The following MTMR10 variants were observed in gnomAD, a reference collection of about 807,000 sequenced individuals.
MTMR10 encodes myotubularin-related protein 10.
Under a neutral mutation model 88.1 loss-of-function variants are expected in MTMR10, and 56 were observed. The observed-to-expected ratio is 0.64, with a 90% CI of 0.51 to 0.79. MTMR10 has a LOEUF of 0.79. Ranked by LOEUF, MTMR10 falls within the 30% of genes least tolerant of loss-of-function variation. The pLI is 0.00. For missense variants in MTMR10, 883 were observed against 924.7 expected (o/e 0.95, Z 0.58); for synonymous variants, 380 against 340.9 (o/e 1.11, Z -1.26).
the MTMR10 span, among the ~76,000 whole-genome samples, chr15:30,925,623 G>A: frequency 6.6e-6 from 1 of 152,358 alleles, no homozygotes; most frequent in East Asian, 1.9e-4. Flanking sequence ...CCGGACCAGC[G>A]AACTGTCACA....
chr15:30,920,735 C>A, the MTMR10 span: 1 of 780,070 alleles, frequency 1.3e-6, no homozygotes, highest in Non-Finnish European at 2.1e-6. Flanking sequence ...GGGCTCTCAG[C>A]ATTTCCTGCT....
the MTMR10 span, among the ~76,000 whole-genome samples, chr15:30,932,714 TTC>T: frequency 4.1e-5 from 4 of 97,250 alleles, no homozygotes; most frequent in East Asian, 3.1e-3. Flanking sequence ...TTTGTTTCTT[TTC>T]TTTTTTTTTT....
At chr15:30,966,121 A>G in intron 6 of MTMR10, 1 of 432,022 alleles carries the variant, frequency 2.3e-6, no homozygotes, top group South Asian at 1.7e-5. Flanking sequence ...TATGTTTATG[A>G]GGTACTTGTC....
intron 2 of MTMR10, among the ~76,000 whole-genome samples, chr15:30,988,722 CT>C (rs2031110737): frequency 3.9e-5 from 6 of 152,194 alleles, no homozygotes; most frequent in Admixed American, 1.3e-4. Context: ...GGCGCAGTGG[CT>C]CACGCCTGTA....
chr15:30,955,098 T>A (rs552162875), intron 9 of MTMR10, among the ~76,000 whole-genome samples: 4 of 152,196 alleles, frequency 2.6e-5, no homozygotes, highest in African/African-American at 9.6e-5. Context: ...TTTCTCTGCA[T>A]GATTTTTCTG....
chr15:30,928,497 A>T, the MTMR10 span: 5 of 1,493,304 alleles, frequency 3.3e-6, no homozygotes, highest in Middle Eastern at 1.9e-4. Context: ...GAAACAGATA[A>T]AACAGATTTT....
At chr15:30,935,980 A>G (rs1401668739), downstream of MTMR10, among the ~76,000 whole-genome samples, 1 of 152,048 alleles carries the variant, frequency 6.6e-6, no homozygotes, top group Admixed American at 6.6e-5. Context: ...TACTGTTTTC[A>G]TCAAATTTGG....
chr15:30,942,197 C>A (rs1289798838), intron 15 of MTMR10, 125 bp from the exon 16 acceptor site: 3 of 1,193,010 alleles, frequency 2.5e-6, no homozygotes, highest in Non-Finnish European at 2.3e-6. Flanking sequence ...AGAACATTTT[C>A]CTCCCTTCCT....
intron 2 of MTMR10, among the ~76,000 whole-genome samples, chr15:30,986,644 A>G (rs2030958869): frequency 6.6e-6 from 1 of 152,208 alleles, no homozygotes; most frequent in Non-Finnish European, 1.5e-5. Context: ...ATTTATCTTT[A>G]TTAAAGAAAA....
the MTMR10 span, chr15:30,928,506 T>TGTG: frequency 2.4e-5 from 36 of 1,484,514 alleles, no homozygotes; most frequent in East Asian, 1.5e-4. Context: ...AAAACAGATT[T>TGTG]TGTGTGTGTG....
At chr15:30,990,243 C>G (rs1279797051) in intron 2 of MTMR10, among the ~76,000 whole-genome samples, 2 of 152,106 alleles carry the variant, frequency 1.3e-5, no homozygotes, top group Non-Finnish European at 2.9e-5. Context: ...GGGTGGAGGC[C>G]ATCTTTGTTG....
chr15:30,938,401 T>TA, downstream of MTMR10, among the ~76,000 whole-genome samples: 1 of 152,326 alleles, frequency 6.6e-6, no homozygotes, highest in African/African-American at 2.4e-5. Flanking sequence ...TTATAACATG[T>TA]AAATGCTTGT....
the MTMR10 span, chr15:30,929,480 A>G: frequency 5.9e-6 from 6 of 1,016,948 alleles, no homozygotes; most frequent in Middle Eastern, 6.4e-4. Context: ...TTATCAAAAT[A>G]CACATGTGTG....
intron 13 of MTMR10, among the ~76,000 whole-genome samples, chr15:30,948,065 T>C (rs920590237): frequency 2.0e-4 from 31 of 152,260 alleles, no homozygotes; most frequent in African/African-American, 7.0e-4. Flanking sequence ...ATTTTTTCAG[T>C]AGTTTTCCAC....
rs1208450456 is a variant in MTMR10 at position 30,940,506 on chromosome 15, G to T, written c.*964C>A. On this transcript the variant is annotated 3_prime_UTR_variant, in exon 16 of 16. Coordinates refer to ENST00000435680, the MANE Select transcript of MTMR10 (RefSeq NM_017762.3). ...TAACCTCATTAGTTATTTCCAGGGG[G>T]AAGTGCCAGCAATAGTTTACCACAC... is the stretch of plus-strand genomic sequence containing the variant. The T allele has an allele frequency of 1.6e-5, 16 of 985,282 alleles. No homozygotes were observed. The highest frequency in any genetic ancestry group is 1.9e-5 in the Non-Finnish European group (16 of 829,950). 61.0% of individuals were successfully genotyped at this position (985,282 alleles called of 1,614,324 possible).
In MTMR10 at chr15:30,971,341, C is replaced by T. The variant is rs1265134833; in HGVS notation, c.474+2973G>A. Among the ~76,000 whole-genome samples, 3 of 152,136 alleles carry T rather than the reference C, an allele frequency of 2.0e-5. No individual in the cohort carries two copies. The East Asian group carries it at 5.8e-4, about 29-fold the overall frequency. On this transcript the variant is annotated intron_variant, in intron 5 of 15. Coordinates refer to ENST00000435680, the MANE Select transcript of MTMR10 (RefSeq NM_017762.3). ...TCTCTGGACAGAAGCCAGAAGTACC[C>T]ACAGTGGATGGTTTCTTTCCTAAGA... is the stretch of plus-strand genomic sequence containing the variant.
chr15:30,946,801 A>T lies in MTMR10; in HGVS notation c.1548+329T>A, dbSNP rs1369257991. On this transcript the variant is annotated intron_variant, in intron 14 of 15. Coordinates refer to ENST00000435680, the MANE Select transcript of MTMR10 (RefSeq NM_017762.3). Reference sequence around the variant, plus strand: ...TGACCTAGGAAATAAATGTCGTGTAACAGGGCTTTTGTTTTTTACTACCCA... The same window carrying T: ...TGACCTAGGAAATAAATGTCGTGTATCAGGGCTTTTGTTTTTTACTACCCA... The T allele has an allele frequency of 1.1e-5, 8 of 697,914 alleles. No individual in the cohort carries two copies. In the South Asian group the frequency reaches 1.2e-4, roughly 10 times the overall value. The allele number at this position is 697,914 out of a possible 1,614,324, so 43.2% of individuals were successfully genotyped here. A position where few individuals can be genotyped will look rare whatever the true frequency, so the allele number is the denominator to read the frequency against.
In MTMR10 at chr15:30,955,057, A is replaced by AT. The variant is rs1213614449; in HGVS notation, c.936-165dup. Among the ~76,000 whole-genome samples the AT allele has an allele frequency of 6.0e-5, 9 of 150,360 alleles. No individual in the cohort carries two copies. In the East Asian group the frequency reaches 1.8e-3, roughly 29 times the overall value. ...TTAAGACAGAACCATTGCTTATCTT[A>AT]TTTTTTAGTTTTAGAGACTATTCCA... On this transcript the variant is annotated intron_variant, in intron 9 of 15. Coordinates refer to ENST00000435680, the MANE Select transcript of MTMR10 (RefSeq NM_017762.3).
At position 30,941,161 on chromosome 15, in the gene MTMR10, CA is replaced by C. The variant is rs2063034752; in HGVS notation, c.*308del. The stretch of plus-strand genomic sequence containing the variant: ...TGGGGCTGCTAATGTGACTGACTAT[CA>C]GATAGCCTTCAGGAGGTGGTAGGAA... On this transcript the variant is annotated 3_prime_UTR_variant, in exon 16 of 16. Transcript: ENST00000435680. 7.6e-7 allele frequency: 1 copy of C among 1,309,966 alleles called. No homozygotes were observed. The highest frequency in any genetic ancestry group is 1.5e-5 in the African/African-American group (1 of 66,546). The allele number at this position is 1,309,966 out of a possible 1,614,324, so 81.1% of individuals were successfully genotyped here. A position where few individuals can be genotyped will look rare whatever the true frequency, so the allele number is the denominator to read the frequency against.
Sources: gnomAD v4.1 joint callset for allele counts (sites outside exome capture counted in the v4.1 genomes callset) on GRCh38, gnomAD v4.1.1 for gene constraint, MANE v1.5 for transcripts, NCBI Gene and HGNC (gene_info 2026-07-23, HGNC 2026-07-21) for gene names.